DPYD: variants seen among roughly 807,000 people sequenced by gnomAD.
DPYD encodes dihydropyrimidine dehydrogenase [NADP(+)].
In DPYD, 109 loss-of-function variants were observed where a neutral mutation model predicts 116.2. The ratio of observed to expected loss-of-function variants is 0.94; its 90% CI spans 0.80 to 1.10. DPYD has a LOEUF of 1.10. Ranked by LOEUF, DPYD falls within the 50% of genes least tolerant of loss-of-function variation. DPYD has a pLI of 0.00. For missense variants in DPYD, 1,302 were observed against 1,254.5 expected (o/e 1.04, Z -0.57); for synonymous variants, 440 against 432.0 (o/e 1.02, Z -0.23).
At chr1:97,633,665 A>G (rs1557850382) in intron 8 of DPYD, among the ~76,000 whole-genome samples, 1 of 152,148 alleles carries the variant, frequency 6.6e-6, no homozygotes, top group Non-Finnish European at 1.5e-5. Flanking sequence ...GCTAGGTAAG[A>G]GAAAAGGTCT....
intron 2 of DPYD, among the ~76,000 whole-genome samples, chr1:97,860,121 T>C (rs745482833): frequency 1.3e-5 from 2 of 152,106 alleles, no homozygotes; most frequent in African/African-American, 2.4e-5. Flanking sequence ...GGCAGGCCGA[T>C]CACTTGAGTC....
intron 1 of DPYD, among the ~76,000 whole-genome samples, chr1:97,911,971 G>A (rs190957182): frequency 3.9e-5 from 6 of 152,088 alleles, no homozygotes; most frequent in Admixed American, 6.5e-5. Context: ...AGAAAGAAAC[G>A]CTATTATCAG....
At chr1:97,262,443 AT>A (rs1198904766) in intron 18 of DPYD, among the ~76,000 whole-genome samples, 3 of 152,088 alleles carry the variant, frequency 2.0e-5, no homozygotes, top group Non-Finnish European at 4.4e-5. Context: ...CTTTATCATT[AT>A]TATTCCTAGT....
At chr1:97,148,100 G>A (rs1654760282) in intron 20 of DPYD, among the ~76,000 whole-genome samples, 1 of 152,074 alleles carries the variant, frequency 6.6e-6, no homozygotes, top group South Asian at 2.1e-4. Flanking sequence ...TGTAACAAAT[G>A]TCCTGGGATG....
At chr1:97,581,793 A>G (rs920936259) in intron 10 of DPYD, among the ~76,000 whole-genome samples, 1 of 151,424 alleles carries the variant, frequency 6.6e-6, no homozygotes, top group African/African-American at 2.4e-5. Flanking sequence ...AAAAGGTGCT[A>G]TATAAGCTAA....
intron 2 of DPYD, 76 bp downstream of exon 2, chr1:97,883,188 T>C (rs1024596320): frequency 8.6e-5 from 77 of 893,520 alleles, no homozygotes; most frequent in Admixed American, 8.5e-4. Context: ...TATTTCTAAG[T>C]GTATGTAAAA....
chr1:97,142,420 T>G (rs1180181749), intron 20 of DPYD, among the ~76,000 whole-genome samples: 1 of 152,108 alleles, frequency 6.6e-6, no homozygotes, highest in Non-Finnish European at 1.5e-5. Flanking sequence ...TATAGAATTA[T>G]AAATACATGC....
intron 8 of DPYD, among the ~76,000 whole-genome samples, chr1:97,650,840 G>A (rs1483981567): frequency 6.6e-6 from 1 of 151,220 alleles, no homozygotes; most frequent in East Asian, 1.9e-4. Flanking sequence ...ATAATTCAAG[G>A]TGTGTATACA....
At chr1:97,529,416 C>T (rs1054632865) in intron 12 of DPYD, among the ~76,000 whole-genome samples, 3 of 152,128 alleles carry the variant, frequency 2.0e-5, no homozygotes, top group Non-Finnish European at 4.4e-5. Flanking sequence ...AACGGCTTCA[C>T]TAAACATTGT....
At chr1:97,546,107 G>A in intron 12 of DPYD, 2 of 1,428,774 alleles carry the variant, frequency 1.4e-6, no homozygotes, top group Non-Finnish European at 2.0e-6. Context: ...AGTTGACAAG[G>A]CAAACAATGG....
At chr1:97,655,325 T>A (rs543980656) in intron 8 of DPYD, among the ~76,000 whole-genome samples, 2 of 152,316 alleles carry the variant, frequency 1.3e-5, no homozygotes, top group African/African-American at 4.8e-5. Flanking sequence ...CACAAAAGTA[T>A]GTACATCTTT....
At chr1:97,227,618 T>C (rs543272294) in intron 19 of DPYD, among the ~76,000 whole-genome samples, 2 of 146,112 alleles carry the variant, frequency 1.4e-5, no homozygotes, top group South Asian at 4.1e-4. Context: ...AAATATATTA[T>C]AAAATAATTA....
intron 20 of DPYD, among the ~76,000 whole-genome samples, chr1:97,114,975 CT>C (rs945419706): frequency 6.6e-6 from 1 of 152,164 alleles, no homozygotes; most frequent in Non-Finnish European, 1.5e-5. Context: ...GGATTTACTG[CT>C]TTTTGTCATT....
intron 14 of DPYD, among the ~76,000 whole-genome samples, chr1:97,426,872 G>C (rs542754376): frequency 1.1e-4 from 17 of 152,152 alleles, no homozygotes; most frequent in Admixed American, 4.6e-4. Flanking sequence ...TAACTGATTA[G>C]AGAATATTAA....
chr1:97,461,037 G>GA (rs374512056), intron 13 of DPYD, among the ~76,000 whole-genome samples: 10,377 of 116,962 alleles, frequency 0.089, 402 homozygotes, highest in East Asian at 0.18. Context: ...AACTCCATCT[G>GA]AAAAAAAAAA....
intron 8 of DPYD, among the ~76,000 whole-genome samples, chr1:97,652,879 T>A (rs552272582): frequency 6.6e-6 from 1 of 152,322 alleles, no homozygotes. Context: ...TGTTATTTAC[T>A]CTCTGCCTCC....
At chr1:97,325,400 G>T (rs565985779) in intron 16 of DPYD, among the ~76,000 whole-genome samples, 58 of 152,086 alleles carry the variant, frequency 3.8e-4, no homozygotes, top group African/African-American at 1.3e-3. Flanking sequence ...GCAACTCACA[G>T]ATTTCTTACT....
At chr1:97,796,195 T>C (rs769303286) in intron 3 of DPYD, among the ~76,000 whole-genome samples, 1 of 152,120 alleles carries the variant, frequency 6.6e-6, no homozygotes, top group African/African-American at 2.4e-5. Flanking sequence ...ATATCTCTTT[T>C]AATCCACATA....
At chr1:97,447,846 AT>A (rs1004305806) in intron 14 of DPYD, among the ~76,000 whole-genome samples, 14 of 150,384 alleles carry the variant, frequency 9.3e-5, no homozygotes, top group East Asian at 2.0e-4. Context: ...TTCCAGGAAA[AT>A]TTTTTTTTTC....
Sources: allele counts gnomAD v4.1 joint callset (sites outside exome capture counted in the v4.1 genomes callset), GRCh38; gene constraint gnomAD v4.1.1; transcripts MANE v1.5; gene names NCBI Gene and HGNC (gene_info 2026-07-23, HGNC 2026-07-21).